PCIF1: variants seen among roughly 807,000 people sequenced by gnomAD.
PCIF1 encodes mRNA (2'-O-methyladenosine-N(6)-)-methyltransferase.
A neutral mutation model predicts 86.9 loss-of-function variants in PCIF1; 12 were observed. The ratio of observed to expected loss-of-function variants is 0.14; its 90% confidence interval spans 0.09 to 0.22. The LOEUF (loss-of-function observed/expected upper bound fraction) is 0.22, where lower values mean the gene tolerates loss of function less well. Ranked by LOEUF, PCIF1 falls within the 10% of genes least tolerant of loss-of-function variation. PCIF1 has a pLI of 1.00. For synonymous variants in PCIF1, 397 were observed against 372.0 expected, an observed-to-expected ratio of 1.07 and a Z score of -0.77; for missense variants, 701 against 951.1, an observed-to-expected ratio of 0.74 and a Z score of 3.46.
chr20:45,936,629 G>T (rs1196100367), intron 1 of PCIF1, among the ~76,000 whole-genome samples: 2 of 151,564 alleles, frequency 1.3e-5, no homozygotes, highest in Non-Finnish European at 2.9e-5. Context: ...GGGACTGCAG[G>T]TGCAATTTTT....
At position 45,947,634 on chromosome 20, in the gene PCIF1, C is replaced by T; in HGVS notation, c.1994C>T (p.Ala665Val). The T allele has an allele frequency of 6.2e-7, 1 of 1,612,646 alleles. No homozygotes were observed. Among genetic ancestry groups the T allele is most frequent in the East Asian group, 2.2e-5 (1 of 44,880 alleles). Residue 665 changes from alanine to valine, a missense_variant, in exon 17 of 17, where the codon GCT becomes GTT. Physicochemically the swap from Ala to Val is moderately conservative, Grantham distance 64 (BLOSUM62 0). This residue lies in a region of PCIF1 where 174 missense variants were observed against 206.9 expected (regional missense o/e 0.84). Coordinates refer to ENST00000372409, the MANE Select transcript of PCIF1 (RefSeq NM_022104.4). This position sits in a 1 kb window ranked among gnomAD's most constrained non-coding sequence, Gnocchi z 5.4. ...CCTGAACGGCTGCAGGAGCTGAGTG[C>T]TGCCTACCGGCAGTCAGGCCGCAGC... ...PTPERLQELSAAYRQSGRSHS... is the reference protein window; with the variant it reads ...PTPERLQELSVAYRQSGRSHS...
In PCIF1 at chr20:45,946,495, T is replaced by C. The variant is rs1355315224; in HGVS notation, c.1613+111T>C. On this transcript the variant is annotated intron_variant, in intron 14 of 16. Transcript: ENST00000372409. ...GGCAGGCTTGGGTGGAGTCCCTGCC[T>C]CCACCTCTTACCGGCTATGTGACCT... 6 of 1,266,910 alleles carry C rather than the reference T, an allele frequency of 4.7e-6. No homozygotes were observed. The East Asian group carries it at 1.4e-4, about 29-fold the overall frequency. 78.5% of individuals were successfully genotyped at this position (1,266,910 alleles called of 1,614,324 possible). A position where few individuals can be genotyped will look rare whatever the true frequency, so the allele number is the denominator to read the frequency against.
intron 4 of PCIF1, 31 bp downstream of exon 4, chr20:45,939,370 A>G: frequency 6.2e-7 from 1 of 1,611,414 alleles, no homozygotes; most frequent in Non-Finnish European, 8.5e-7. Flanking sequence ...GGGGGGTCTC[A>G]GAGTGGCCTC....
chr20:45,940,407 G>A (rs1467423285), intron 4 of PCIF1, 68 bp from the exon 5 acceptor site: 10 of 1,496,256 alleles, frequency 6.7e-6, no homozygotes, highest in African/African-American at 1.4e-5. Context: ...GAGGGCGTGA[G>A]GATTCAAAGT....
intron 4 of PCIF1, 141 bp downstream of exon 4, chr20:45,939,480 C>T: frequency 8.0e-7 from 1 of 1,250,908 alleles, no homozygotes; most frequent in Non-Finnish European, 1.1e-6. Flanking sequence ...CAGACACAGC[C>T]CCTGCCCTCA....
chr20:45,938,248 A>T (rs929961439), intron 2 of PCIF1, among the ~76,000 whole-genome samples: 2 of 152,136 alleles, frequency 1.3e-5, no homozygotes, highest in African/African-American at 4.8e-5. Flanking sequence ...AGTCAATTAG[A>T]TAGTCCTTCT....
intron 1 of PCIF1, among the ~76,000 whole-genome samples, chr20:45,936,874 G>C (rs1233005024): frequency 6.6e-6 from 1 of 152,218 alleles, no homozygotes; most frequent in Non-Finnish European, 1.5e-5. Flanking sequence ...GTTGCAGTGA[G>C]TCGAGATCGT....
chr20:45,943,812 C>T lies in PCIF1; in HGVS notation c.1005+47C>T, dbSNP rs2083497635. The T allele has an allele frequency of 6.7e-7, 1 of 1,482,590 alleles. No homozygotes were observed. The highest frequency in any genetic ancestry group is 9.2e-7 in the Non-Finnish European group (1 of 1,087,996). The allele number at this position is 1,482,590 out of a possible 1,614,324, so 91.8% of individuals were successfully genotyped here. A position where few individuals can be genotyped will look rare whatever the true frequency, so the allele number is the denominator to read the frequency against. On this transcript the variant is annotated intron_variant, in intron 10 of 16. Coordinates refer to ENST00000372409, the MANE Select transcript of PCIF1 (RefSeq NM_022104.4). The surrounding 1 kb of genome is among the most constrained non-coding windows in gnomAD (Gnocchi z 5.5). ...AAGGCCAGTTTTAGGGCTCTGTGGC[C>T]ACTTCCTCCAGGAAGCCTACTCTGC...
intron 14 of PCIF1, 55 bp downstream of exon 14, chr20:45,946,439 A>C (rs1178710452): frequency 1.9e-6 from 3 of 1,573,726 alleles, no homozygotes; most frequent in Non-Finnish European, 2.6e-6. Flanking sequence ...CCTCCAGAGC[A>C]CAGGGCCCGC....
Position 45,947,481 on chromosome 20 carries a change from G to A in PCIF1, c.1883+43G>A, listed in dbSNP as rs1220016422. ...CAGGGGAAGGAGGCTGGGCTGGCCA[G>A]GCCAGGCCCAGCCCCACCCTGAGCC... On this transcript the variant is annotated intron_variant, in intron 16 of 16. Coordinates refer to ENST00000372409, the MANE Select transcript of PCIF1 (RefSeq NM_022104.4). This position sits in a 1 kb window ranked among gnomAD's most constrained non-coding sequence, Gnocchi z 5.4. The A allele has an allele frequency of 6.2e-7, 1 of 1,613,176 alleles. No homozygotes were observed. Among genetic ancestry groups the A allele is most frequent in the Non-Finnish European group, 8.5e-7 (1 of 1,179,860 alleles).
At position 45,946,131 on chromosome 20, in the gene PCIF1, A is replaced by G. The variant is rs1330676235; in HGVS notation, c.1428+16A>G. ...ACGGTACCAGGTACAGGCCTGGGGCAGCAGGGAGGGCTCCCCAGGAGGGAA... is the reference window on the plus strand; with the variant it reads ...ACGGTACCAGGTACAGGCCTGGGGCGGCAGGGAGGGCTCCCCAGGAGGGAA... On this transcript the variant is annotated intron_variant, in intron 13 of 16. Coordinates refer to ENST00000372409, the MANE Select transcript of PCIF1 (RefSeq NM_022104.4). 1 of 1,614,164 alleles carries G rather than the reference A, an allele frequency of 6.2e-7. No individual in the cohort carries two copies. Among genetic ancestry groups the G allele is most frequent in the Non-Finnish European group, 8.5e-7 (1 of 1,180,014 alleles).
At chr20:45,939,829 T>C (rs1031780620) in intron 4 of PCIF1, among the ~76,000 whole-genome samples, 21 of 152,144 alleles carry the variant, frequency 1.4e-4, no homozygotes, top group African/African-American at 4.8e-4. Flanking sequence ...AGTACAGGCA[T>C]GGGCTGTCTG....
Position 45,947,790 on chromosome 20 carries a change from T to C in PCIF1, c.*35T>C. On this transcript the variant is annotated 3_prime_UTR_variant, in exon 17 of 17. Coordinates refer to ENST00000372409, the MANE Select transcript of PCIF1 (RefSeq NM_022104.4). The surrounding 1 kb of genome is among the most constrained non-coding windows in gnomAD (Gnocchi z 5.4). The stretch of plus-strand genomic sequence containing the variant: ...CGGGGAGGAGGAGCCCCAGGGGTGC[T>C]AGTCTGGACTGCTGGGACTCGGGCC... 1 of 1,578,350 alleles carries C rather than the reference T, an allele frequency of 6.3e-7. No individual in the cohort carries two copies. Among genetic ancestry groups the C allele is most frequent in the East Asian group, 2.2e-5 (1 of 44,568 alleles).
chr20:45,937,762 C>T (rs1189654871), intron 2 of PCIF1, 177 bp downstream of exon 2: 2 of 394,576 alleles, frequency 5.1e-6, no homozygotes, highest in Non-Finnish European at 8.9e-6. Context: ...CCTGTTGCCC[C>T]CTGCATTTTT....
chr20:45,945,081 C>G (rs1025736992), intron 11 of PCIF1, 51 bp downstream of exon 11: 5 of 1,523,690 alleles, frequency 3.3e-6, no homozygotes, highest in Admixed American at 2.0e-5. Context: ...AGCTCTATAC[C>G]CTGATGGAAG....
Position 45,934,689 on chromosome 20 carries a change from T to G in PCIF1, c.-303T>G, listed in dbSNP as rs1359432769. 2.5e-6 allele frequency: 1 copy of G among 397,612 alleles called. No individual in the cohort carries two copies. The highest frequency in any genetic ancestry group is 2.1e-5 in the African/African-American group (1 of 48,198). The allele number at this position is 397,612 out of a possible 1,614,324, so 24.6% of individuals were successfully genotyped here. ...GTACCAGCGCATGCGCAGCGCGGAG[T>G]CCCGGCCCGGGACACAAGATGGCGG... On this transcript the variant is annotated 5_prime_UTR_variant, in exon 1 of 17. Coordinates refer to ENST00000372409, the MANE Select transcript of PCIF1 (RefSeq NM_022104.4).
chr20:45,945,943 C>A lies in PCIF1; in HGVS notation c.1341+60C>A, dbSNP rs866667478. 21 of 1,612,942 alleles carry A rather than the reference C, an allele frequency of 1.3e-5. No homozygotes were observed. In the South Asian group the frequency reaches 1.9e-4, roughly 14 times the overall value. ...GCATGAGTCAGGGCCTAGGATCTTTCCTGAGCAGAGTCCCCAGCAGGAGGC... is the reference window on the plus strand; with the variant it reads ...GCATGAGTCAGGGCCTAGGATCTTTACTGAGCAGAGTCCCCAGCAGGAGGC... On this transcript the variant is annotated intron_variant, in intron 12 of 16. Transcript: ENST00000372409.
chr20:45,935,780 T>G (rs2083420067), intron 1 of PCIF1, among the ~76,000 whole-genome samples: 1 of 152,208 alleles, frequency 6.6e-6, no homozygotes, highest in Admixed American at 6.5e-5. Flanking sequence ...CCTCCGTATT[T>G]ATTTCTGGCT....
In PCIF1 at chr20:45,947,808, CTCGGGCCCCTGGGGCCTCAG is replaced by C. The variant is rs565767696; in HGVS notation, c.*54_*73del. The C allele has an allele frequency of 4.0e-4, 630 of 1,562,384 alleles. 6 individuals are homozygous for C. In the African/African-American group the frequency reaches 7.5e-3, roughly 19 times the overall value. ...GGGGTGCTAGTCTGGACTGCTGGGA[CTCGGGCCCCTGGGGCCTCAG>C]AGGGACCCCGGCTGCCACTGACATA... On this transcript the variant is annotated 3_prime_UTR_variant, in exon 17 of 17. Transcript: ENST00000372409. This position sits in a 1 kb window ranked among gnomAD's most constrained non-coding sequence, Gnocchi z 5.4.
Sources: gnomAD v4.1 joint callset for allele counts (sites outside exome capture counted in the v4.1 genomes callset) on GRCh38, gnomAD v4.1.1 for gene constraint, gnomAD v4.1.1 regional missense constraint, Gnocchi (gnomAD v3.1) non-coding constraint, MANE v1.5 for transcripts, NCBI Gene and HGNC (gene_info 2026-07-23, HGNC 2026-07-21) for gene names.